PRKAG2: variants seen among roughly 807,000 people sequenced by gnomAD.
PRKAG2 encodes the protein protein kinase AMP-activated non-catalytic subunit gamma 2.
A neutral mutation model predicts 69.6 loss-of-function variants in PRKAG2; 26 were observed. The observed-to-expected ratio is 0.37, with a 90% CI of 0.27 to 0.52. PRKAG2 has a LOEUF of 0.52. Among genes scored for constraint, PRKAG2 ranks in the 20% least tolerant of loss-of-function variants. PRKAG2 has a pLI of 0.90. For missense variants in PRKAG2, 557 were observed against 740.0 expected, an observed-to-expected ratio of 0.75 and a Z score of 2.87; for synonymous variants, 293 against 285.0, an observed-to-expected ratio of 1.03 and a Z score of -0.28.
At chr7:151,609,934 C>T (rs1332254637) in intron 5 of PRKAG2, among the ~76,000 whole-genome samples, 2 of 152,230 alleles carry the variant, frequency 1.3e-5, no homozygotes, top group Non-Finnish European at 2.9e-5. Flanking sequence ...ACACACCTCT[C>T]CTGCCATGAG....
rs1258477290 is a variant in PRKAG2, at chr7:151,632,244, C to T, written c.685-106G>A. On this transcript the variant is annotated intron_variant, in intron 4 of 15. Coordinates refer to ENST00000287878, the MANE Select transcript of PRKAG2 (RefSeq NM_016203.4). The surrounding 1 kb of genome is among the most constrained non-coding windows in gnomAD (Gnocchi z 4.2). ...CTGGGGCCTGGCTCTGCCGCGCCGC[C>T]GGGAGGAGGGGCCTGGCAGGGGACG... is the stretch of plus-strand genomic sequence containing the variant. 4.6e-6 allele frequency: 5 copies of T among 1,076,264 alleles called. No individual in the cohort carries two copies. In the East Asian group the frequency reaches 2.2e-4, roughly 48 times the overall value. The allele number at this position is 1,076,264 out of a possible 1,614,324, so 66.7% of individuals were successfully genotyped here.
chr7:151,601,066 C>T (rs895692150), intron 5 of PRKAG2, among the ~76,000 whole-genome samples: 2 of 152,150 alleles, frequency 1.3e-5, no homozygotes, highest in Non-Finnish European at 2.9e-5. Context: ...CCTCACTCAA[C>T]GGTGCGCTCA....
Position 151,756,484 on chromosome 7 carries a change from G to GCTCTCATGCTCAATCCTCACCCCTA in PRKAG2, c.466+24643_466+24667dup, listed in dbSNP as rs2075096045. On this transcript the variant is annotated intron_variant, in intron 3 of 15. Coordinates refer to ENST00000287878, the MANE Select transcript of PRKAG2 (RefSeq NM_016203.4). This position sits in a 1 kb window ranked among gnomAD's most constrained non-coding sequence, Gnocchi z 4.9. ...CTCCAGGCGAGCGGGTACCTGCGCT[G>GCTCTCATGCTCAATCCTCACCCCTA]CTCTCATGCTCAATCCTCACCCCTA... Among the ~76,000 whole-genome samples the GCTCTCATGCTCAATCCTCACCCCTA allele has an allele frequency of 6.6e-6, 1 of 152,232 alleles. No homozygotes were observed. The highest frequency in any genetic ancestry group is 2.4e-5 in the African/African-American group (1 of 41,460).
intron 3 of PRKAG2, among the ~76,000 whole-genome samples, chr7:151,676,262 G>T (rs896192311): frequency 6.9e-6 from 1 of 144,734 alleles, no homozygotes; most frequent in African/African-American, 2.6e-5. Flanking sequence ...GGGAGGGGAC[G>T]GGAGGGGAGG....
At chr7:151,823,293 C>G (rs2078834402) in intron 1 of PRKAG2, among the ~76,000 whole-genome samples, 1 of 151,940 alleles carries the variant, frequency 6.6e-6, no homozygotes. Flanking sequence ...GCTGAAACTT[C>G]TTAAATGTTT....
chr7:151,874,264 GTATATGTATATGATA>G (rs1191731893), intron 1 of PRKAG2, among the ~76,000 whole-genome samples: 1,328 of 110,124 alleles, frequency 0.012, 206 homozygotes, highest in Middle Eastern at 0.051. Context: ...TGATGTATAT[GTATATGTATATGATA>G]TATATGTATA....
At chr7:151,856,182 G>A (rs1003249892) in intron 1 of PRKAG2, among the ~76,000 whole-genome samples, 1 of 152,334 alleles carries the variant, frequency 6.6e-6, no homozygotes, top group Non-Finnish European at 1.5e-5. Context: ...CTGCAGGCAG[G>A]TATTCTTATT....
At chr7:151,844,680 C>T (rs2079388852) in intron 1 of PRKAG2, among the ~76,000 whole-genome samples, 2 of 152,224 alleles carry the variant, frequency 1.3e-5, no homozygotes, top group African/African-American at 4.8e-5. Context: ...GTTTGAAATA[C>T]ACTAACTTTC....
chr7:151,730,804 G>A (rs1419680008), intron 3 of PRKAG2, among the ~76,000 whole-genome samples: 1 of 152,214 alleles, frequency 6.6e-6, no homozygotes, highest in Non-Finnish European at 1.5e-5. Context: ...GCAGTATTGG[G>A]GTGACCTGAA....
chr7:151,847,489 C>T (rs1360893001), intron 1 of PRKAG2, among the ~76,000 whole-genome samples: 2 of 152,190 alleles, frequency 1.3e-5, no homozygotes, highest in African/African-American at 4.8e-5. Flanking sequence ...TCTCTAGGAA[C>T]TTGTCCTTCC....
intron 3 of PRKAG2, among the ~76,000 whole-genome samples, chr7:151,726,395 C>T (rs1401922733): frequency 5.5e-5 from 8 of 145,862 alleles, no homozygotes; most frequent in Non-Finnish European, 1.1e-4. Flanking sequence ...CACACACACA[C>T]ACACACGCAC....
intron 5 of PRKAG2, among the ~76,000 whole-genome samples, chr7:151,600,969 TG>T (rs1236673265): frequency 3.3e-5 from 5 of 152,202 alleles, no homozygotes; most frequent in Non-Finnish European, 7.3e-5. Flanking sequence ...CTGCGTCACT[TG>T]CCCCAAATCA....
At chr7:151,700,435 G>A (rs907748568) in intron 3 of PRKAG2, among the ~76,000 whole-genome samples, 1 of 152,214 alleles carries the variant, frequency 6.6e-6, no homozygotes, top group Admixed American at 6.5e-5. Flanking sequence ...GTGACCGACA[G>A]ACACGTCAGG....
chr7:151,865,774 C>T (rs1031857876), intron 1 of PRKAG2, among the ~76,000 whole-genome samples: 2 of 152,226 alleles, frequency 1.3e-5, no homozygotes, highest in Non-Finnish European at 2.9e-5. Flanking sequence ...AATCCCAGCA[C>T]TTTGGGAGGC....
At position 151,576,389 on chromosome 7, in the gene PRKAG2, T is replaced by A; in HGVS notation, c.928A>T (p.Lys310Ter). The A allele has an allele frequency of 6.2e-7, 1 of 1,610,026 alleles. No homozygotes were observed. The highest frequency in any genetic ancestry group is 8.5e-7 in the Non-Finnish European group (1 of 1,176,328). ...TGCTTACCTACAAAACTTTGTTTTTTACTCTCCCACAGTGGCGCTGCTCGG... is the reference window on the plus strand; with the variant it reads ...TGCTTACCTACAAAACTTTGTTTTTAACTCTCCCACAGTGGCGCTGCTCGG... ...GVRAAPLWES[K>*]KQSFVGMLTI... Residue 310 changes from lysine to a stop codon, truncating the protein, a stop_gained, in exon 7 of 16, where the codon AAA becomes TAA. Coordinates refer to ENST00000287878, the MANE Select transcript of PRKAG2 (RefSeq NM_016203.4). LOFTEE classifies it high-confidence loss of function.
intron 3 of PRKAG2, among the ~76,000 whole-genome samples, chr7:151,751,538 T>C (rs2074692415): frequency 6.6e-6 from 1 of 152,078 alleles, no homozygotes; most frequent in African/African-American, 2.4e-5. Flanking sequence ...AGACAGGTTC[T>C]CGCTTTGTCG....
At chr7:151,784,382 C>T (rs1240821587) in intron 2 of PRKAG2, among the ~76,000 whole-genome samples, 2 of 152,174 alleles carry the variant, frequency 1.3e-5, no homozygotes, top group African/African-American at 2.4e-5. Context: ...CATAGGGGAG[C>T]GGGGCCCCAG....
intron 1 of PRKAG2, among the ~76,000 whole-genome samples, chr7:151,811,119 T>C (rs1215035563): frequency 6.6e-6 from 1 of 152,252 alleles, no homozygotes; most frequent in Admixed American, 6.5e-5. Context: ...CTCAGTCGCC[T>C]GATGAATAGT....
intron 15 of PRKAG2, chr7:151,557,938 C>T: frequency 1.0e-6 from 1 of 983,776 alleles, no homozygotes; most frequent in Non-Finnish European, 1.2e-6. Flanking sequence ...AGGATAATTG[C>T]ACCTAACAAG....
Sources: allele counts gnomAD v4.1 joint callset (sites outside exome capture counted in the v4.1 genomes callset), GRCh38; gene constraint gnomAD v4.1.1; non-coding constraint Gnocchi (gnomAD v3.1); transcripts MANE v1.5; gene names NCBI Gene and HGNC (gene_info 2026-07-23, HGNC 2026-07-21).